Variants in PSMA8 observed in about 807,000 individuals in gnomAD.
The protein encoded by PSMA8 is proteasome subunit alpha-type 8.
PSMA8 carries 18 observed loss-of-function variants against 32.4 expected under a neutral mutation model. The observed-to-expected ratio is 0.56, with a 90% confidence interval of 0.38 to 0.82. The LOEUF (loss-of-function observed/expected upper bound fraction) is 0.82, where lower values mean the gene tolerates loss of function less well. Among genes scored for constraint, PSMA8 ranks in the 40% least tolerant of loss-of-function variants. PSMA8 has a pLI of 0.00. For synonymous variants in PSMA8, 104 were observed against 98.1 expected (o/e 1.06, Z -0.36); for missense variants, 298 against 300.7 (o/e 0.99, Z 0.07).
intron 4 of PSMA8, among the ~76,000 whole-genome samples, chr18:26,165,257 A>G (rs2144319845): frequency 6.6e-6 from 1 of 152,342 alleles, no homozygotes; most frequent in Non-Finnish European, 1.5e-5. Flanking sequence ...GTTAAGGATG[A>G]AATATAATGA....
chr18:26,144,951 TAGA>T (rs34604890), intron 2 of PSMA8, among the ~76,000 whole-genome samples: 7,895 of 152,260 alleles, frequency 0.052, 225 homozygotes, highest in East Asian at 0.12. Context: ...ATTACAGATT[TAGA>T]AGAAGCTACC....
intron 1 of PSMA8, among the ~76,000 whole-genome samples, chr18:26,138,259 C>T (rs1367315311): frequency 1.3e-5 from 2 of 152,218 alleles, no homozygotes; most frequent in African/African-American, 4.8e-5. Context: ...TAATTTCTAT[C>T]TTCCTGGCCA....
chr18:26,159,077 A>G (rs1246421033), intron 4 of PSMA8, among the ~76,000 whole-genome samples: 2 of 152,292 alleles, frequency 1.3e-5, no homozygotes, highest in Middle Eastern at 3.4e-3. Flanking sequence ...TCCTGTATAT[A>G]AGAATAAGAC....
At chr18:26,154,939 T>G (rs939490518) in intron 3 of PSMA8, among the ~76,000 whole-genome samples, 2 of 151,884 alleles carry the variant, frequency 1.3e-5, no homozygotes, top group African/African-American at 4.8e-5. Context: ...AAGAAAATGA[T>G]TCATTAGTCT....
chr18:26,164,113 A>T (rs933461832), intron 4 of PSMA8, among the ~76,000 whole-genome samples: 1 of 152,220 alleles, frequency 6.6e-6, no homozygotes, highest in Admixed American at 6.5e-5. Flanking sequence ...TTACAAGAAC[A>T]GTTTGGATGG....
chr18:26,177,010 G>A (rs2055269249), intron 4 of PSMA8, among the ~76,000 whole-genome samples: 1 of 152,270 alleles, frequency 6.6e-6, no homozygotes, highest in Admixed American at 6.5e-5. Flanking sequence ...TGAAAGGATA[G>A]ACCTTTGTGT....
chr18:26,139,954 G>A (rs1420272894), intron 1 of PSMA8: 1 of 672,478 alleles, frequency 1.5e-6, no homozygotes, highest in South Asian at 1.7e-5. Flanking sequence ...CTGTACTCTT[G>A]TAGCTTACTG....
chr18:26,150,556 T>C (rs2055038086), intron 2 of PSMA8, among the ~76,000 whole-genome samples: 1 of 152,168 alleles, frequency 6.6e-6, no homozygotes, highest in African/African-American at 2.4e-5. Flanking sequence ...CTCAGGCTAG[T>C]CGCAAACACC....
chr18:26,155,071 CA>C (rs1177773760), intron 3 of PSMA8, among the ~76,000 whole-genome samples: 1 of 151,680 alleles, frequency 6.6e-6, no homozygotes, highest in Non-Finnish European at 1.5e-5. Flanking sequence ...CTCATCTCTA[CA>C]AAAAATAAAA....
intron 3 of PSMA8, among the ~76,000 whole-genome samples, chr18:26,156,456 A>T (rs941962718): frequency 1.3e-5 from 2 of 152,120 alleles, no homozygotes; most frequent in South Asian, 2.1e-4. Flanking sequence ...GTATAGATAC[A>T]CAATTGAATA....
rs2055416430 is a variant in PSMA8, at chr18:26,193,030, C to A, written c.*619C>A. 6.6e-6 allele frequency: 1 copy of A among 152,046 alleles called. No individual in the cohort carries two copies. Among genetic ancestry groups the A allele is most frequent in the Non-Finnish European group, 1.5e-5 (1 of 68,008 alleles). The allele number at this position is 152,046 out of a possible 1,614,324, so 9.4% of individuals were successfully genotyped here. On this transcript the variant is annotated 3_prime_UTR_variant, in exon 7 of 7. Transcript: ENST00000415576. ...CAAATATAGGCTGAATTCAAACATG[C>A]AATTAAAGCATGGGAAGAGCTTCTA...
rs535291582 is a variant in PSMA8, at chr18:26,163,830, T to C, written c.477+5586T>C. On this transcript the variant is annotated intron_variant, in intron 4 of 6. Coordinates refer to ENST00000415576, the MANE Select transcript of PSMA8 (RefSeq NM_001025096.2). ...CTCTAGCTGCTATATTGAGAATAGA[T>C]GGTAGAGAACTTAGGGTAGAAGCAG... Among the ~76,000 whole-genome samples, 9 of 152,324 alleles carry C rather than the reference T, an allele frequency of 5.9e-5. No individual in the cohort carries two copies. In the East Asian group the frequency reaches 1.7e-3, roughly 29 times the overall value.
intron 6 of PSMA8, among the ~76,000 whole-genome samples, chr18:26,189,424 T>C (rs2055384193): frequency 6.6e-6 from 1 of 152,038 alleles, no homozygotes; most frequent in South Asian, 2.1e-4. Flanking sequence ...TCCCAGCTAC[T>C]TGGGAAGCTG....
chr18:26,178,576 T>G (rs969365892), intron 4 of PSMA8, among the ~76,000 whole-genome samples: 2 of 152,296 alleles, frequency 1.3e-5, no homozygotes, highest in Admixed American at 1.3e-4. Context: ...CACTCCAGCC[T>G]GGGCAACAGA....
intron 3 of PSMA8, among the ~76,000 whole-genome samples, chr18:26,156,293 C>A (rs535188005): frequency 2.2e-4 from 33 of 152,182 alleles, no homozygotes; most frequent in Non-Finnish European, 4.1e-4. Context: ...ATCCCACAAT[C>A]CCACTACTGG....
intron 3 of PSMA8, among the ~76,000 whole-genome samples, chr18:26,157,451 T>G (rs963815667): frequency 1.3e-5 from 2 of 152,040 alleles, no homozygotes; most frequent in African/African-American, 2.4e-5. Context: ...TGCACGACTT[T>G]TGGGGCACGA....
At chr18:26,179,311 TTA>T (rs1276490046) in intron 6 of PSMA8, among the ~76,000 whole-genome samples, 181 bp downstream of exon 6, 1 of 151,354 alleles carries the variant, frequency 6.6e-6, no homozygotes, top group Non-Finnish European at 1.5e-5. Context: ...TTTTTTTTTT[TTA>T]AATAGAGACG....
At chr18:26,140,178 G>C (rs961455621) in intron 1 of PSMA8, 36 of 702,346 alleles carry the variant, frequency 5.1e-5, no homozygotes, top group Non-Finnish European at 8.8e-5. Flanking sequence ...AGAGATTTGG[G>C]GTGGGCCTGC....
chr18:26,161,496 A>G (rs1424487841), intron 4 of PSMA8, among the ~76,000 whole-genome samples: 1 of 152,218 alleles, frequency 6.6e-6, no homozygotes, highest in East Asian at 1.9e-4. Context: ...AATGAATCTC[A>G]TGAACATAAG....
Sources: allele counts gnomAD v4.1 joint callset (sites outside exome capture counted in the v4.1 genomes callset), GRCh38; gene constraint gnomAD v4.1.1; transcripts MANE v1.5; gene names NCBI Gene and HGNC (gene_info 2026-07-23, HGNC 2026-07-21).